Variants in MRC2 observed in about 807,000 individuals in gnomAD.
MRC2 encodes the protein C-type mannose receptor 2.
A neutral mutation model predicts 206.2 loss-of-function variants in MRC2; 84 were observed. That is an observed-to-expected ratio of 0.41 (90% confidence interval 0.34 to 0.49). The LOEUF (loss-of-function observed/expected upper bound fraction) is 0.49. Ranked by LOEUF, MRC2 falls within the 20% of genes least tolerant of loss-of-function variation. The pLI is 0.31. For synonymous variants in MRC2, 798 were observed against 800.0 expected (o/e 1.00, Z 0.04); for missense variants, 1,676 against 2,001.5 (o/e 0.84, Z 3.10).
chr17:62,645,527 ATTTTTTTTTT>A (rs1164231785), intron 1 of MRC2, among the ~76,000 whole-genome samples: 248 of 39,456 alleles, frequency 6.3e-3, no homozygotes, highest in African/African-American at 0.022. Context: ...ATATATATAT[ATTTTTTTTTT>A]TTTTTTTTTT....
At chr17:62,639,683 G>C (rs2088374320) in intron 1 of MRC2, among the ~76,000 whole-genome samples, 2 of 152,132 alleles carry the variant, frequency 1.3e-5, no homozygotes, top group Admixed American at 1.3e-4. Context: ...GGAGTGCAGT[G>C]GCACAATCAT....
At chr17:62,650,793 CG>C (rs1340049156) in intron 1 of MRC2, among the ~76,000 whole-genome samples, 1 of 152,078 alleles carries the variant, frequency 6.6e-6, no homozygotes, top group Non-Finnish European at 1.5e-5. Flanking sequence ...CCCAGTTTGC[CG>C]GGGGCAGGCC....
In MRC2 at chr17:62,627,671, T is replaced by C. The variant is rs1303552559; in HGVS notation, c.-132T>C. ...CCTCCCTCCTCCTCCCCGGGAGGCA[T>C]CACTTCGTCCCGACCCGGAGGAGGA... is the stretch of plus-strand genomic sequence containing the variant. On this transcript the variant is annotated 5_prime_UTR_variant, in exon 1 of 30. Transcript: ENST00000303375. 2 of 579,644 alleles carry C rather than the reference T, an allele frequency of 3.5e-6. No individual in the cohort carries two copies. The highest frequency in any genetic ancestry group is 8.9e-5 in the South Asian group (2 of 22,420). The allele number at this position is 579,644 out of a possible 1,614,324, so 35.9% of individuals were successfully genotyped here. A position where few individuals can be genotyped will look rare whatever the true frequency, so the allele number is the denominator to read the frequency against.
chr17:62,655,503 C>G (rs902910189), intron 1 of MRC2, among the ~76,000 whole-genome samples: 4 of 152,092 alleles, frequency 2.6e-5, no homozygotes, highest in Non-Finnish European at 5.9e-5. Context: ...GATCGCGCCA[C>G]TGCACTCCAG....
rs754342292 is a variant in MRC2 at position 62,681,898 on chromosome 17, G to A, written c.2764G>A (p.Gly922Ser). ...GGCACCAGGCAAACCTCGGCCTGTC[G>A]GCAAGGACAAGAAGTGCGTGTACAT... ...SWAPGKPRPV[G>S]KDKKCVYMTA... Residue 922 changes from glycine to serine, a missense_variant, in exon 19 of 30, where the codon GGC (glycine) becomes AGC (serine). Gly to Ser is a moderately conservative substitution (Grantham distance 56, BLOSUM62 0). Around this residue, in one of 3 missense-constraint regions of MRC2, gnomAD observed 1,354 missense variants for 1,636.6 expected, o/e 0.83. Coordinates refer to ENST00000303375, the MANE Select transcript of MRC2 (RefSeq NM_006039.5). The A allele has an allele frequency of 4.3e-5, 69 of 1,613,810 alleles. No individual in the cohort carries two copies. Among genetic ancestry groups the A allele is most frequent in the Non-Finnish European group, 5.1e-5 (60 of 1,179,982 alleles).
At chr17:62,690,336 CG>C in intron 26 of MRC2, 31 bp downstream of exon 26, 1 of 1,579,878 alleles carries the variant, frequency 6.3e-7, no homozygotes, top group South Asian at 1.1e-5. Context: ...CCACACATGG[CG>C]GGCAGGTGGC....
intron 1 of MRC2, among the ~76,000 whole-genome samples, chr17:62,641,315 G>GA (rs536367162): frequency 0.03 from 2,511 of 84,314 alleles, 46 homozygotes; most frequent in African/African-American, 0.064. Flanking sequence ...GACTGTCTCA[G>GA]AAAAAAAAAA....
At position 62,647,503 on chromosome 17, in the gene MRC2, A is replaced by T. The variant is rs112755545; in HGVS notation, c.119-17045A>T. Among the ~76,000 whole-genome samples the T allele has an allele frequency of 2.2e-3, 336 of 152,286 alleles. 1 individual carries two copies. The highest frequency in any genetic ancestry group is 7.6e-3 in the African/African-American group (316 of 41,548). ...CCCTGCCATTTTTGCTTTAAAAAAAAAATCAGCAATAGAATGTGAACTTCT... is the reference window on the plus strand; with the variant it reads ...CCCTGCCATTTTTGCTTTAAAAAAATAATCAGCAATAGAATGTGAACTTCT... On this transcript the variant is annotated intron_variant, in intron 1 of 29. Coordinates refer to ENST00000303375, the MANE Select transcript of MRC2 (RefSeq NM_006039.5).
At chr17:62,640,136 G>T (rs984529948) in intron 1 of MRC2, among the ~76,000 whole-genome samples, 2 of 149,748 alleles carry the variant, frequency 1.3e-5, no homozygotes, top group South Asian at 2.1e-4. Flanking sequence ...CTCCCAAAGT[G>T]CTGGGATTAC....
intron 1 of MRC2, among the ~76,000 whole-genome samples, chr17:62,647,090 C>T (rs760456768): frequency 6.6e-6 from 1 of 151,912 alleles, no homozygotes; most frequent in Non-Finnish European, 1.5e-5. Context: ...GGACACCCAA[C>T]TTTAAGAACA....
intron 1 of MRC2, among the ~76,000 whole-genome samples, chr17:62,636,594 G>A (rs1206797718): frequency 2.0e-5 from 3 of 149,378 alleles, no homozygotes; most frequent in African/African-American, 2.5e-5. Context: ...TCAGCCTCCC[G>A]AGTAGCTGGG....
intron 1 of MRC2, among the ~76,000 whole-genome samples, chr17:62,654,963 G>A (rs1439357716): frequency 6.6e-6 from 1 of 152,204 alleles, no homozygotes; most frequent in African/African-American, 2.4e-5. Context: ...GGGCAACAAA[G>A]CAAGACTCCG....
chr17:62,681,481 T>C (rs1471154803), intron 18 of MRC2: 1 of 461,852 alleles, frequency 2.2e-6, no homozygotes. Flanking sequence ...GGGGCCTCTT[T>C]GTATTTGGTG....
Position 62,680,104 on chromosome 17 carries a change from TC to T in MRC2, c.2299-64del, listed in dbSNP as rs2088943658. Reference sequence around the variant, plus strand: ...CAGGCCAGGCCTCTTGTTCACCTGTTCCGGGCATGGGGGCGGCCTGCACCTT... The same window carrying T: ...CAGGCCAGGCCTCTTGTTCACCTGTTCGGGCATGGGGGCGGCCTGCACCTT... On this transcript the variant is annotated intron_variant, in intron 14 of 29. Coordinates refer to ENST00000303375, the MANE Select transcript of MRC2 (RefSeq NM_006039.5). The surrounding 1 kb of genome is among the most constrained non-coding windows in gnomAD (Gnocchi z 4.8). 3 of 1,602,288 alleles carry T rather than the reference TC, an allele frequency of 1.9e-6. No individual in the cohort carries two copies. The highest frequency in any genetic ancestry group is 2.6e-6 in the Non-Finnish European group (3 of 1,173,108).
chr17:62,654,832 G>A (rs1476503904), intron 1 of MRC2, among the ~76,000 whole-genome samples: 1 of 152,176 alleles, frequency 6.6e-6, no homozygotes, highest in Non-Finnish European at 1.5e-5. Flanking sequence ...CAAGAAGTGT[G>A]GACTACATCA....
rs772278283 is a variant in MRC2 at position 62,666,655 on chromosome 17, A to C, written c.859+36A>C. 5 of 1,415,384 alleles carry C rather than the reference A, an allele frequency of 3.5e-6. No individual in the cohort carries two copies. The African/African-American group carries it at 7.7e-5, about 22-fold the overall frequency. 87.7% of individuals were successfully genotyped at this position (1,415,384 alleles called of 1,614,324 possible). On this transcript the variant is annotated intron_variant, in intron 4 of 29. Transcript: ENST00000303375. This position sits in a 1 kb window ranked among gnomAD's most constrained non-coding sequence, Gnocchi z 5.0. ...GCCTGATGCCTGCTCGTGCCTCTGG[A>C]GGGCCCGGGCCCTTTCCGCTTGTGG...
In MRC2 at chr17:62,680,014, C is replaced by T. The variant is rs2088941931; in HGVS notation, c.2298+112C>T. 2 of 1,467,750 alleles carry T rather than the reference C, an allele frequency of 1.4e-6. No homozygotes were observed. The highest frequency in any genetic ancestry group is 9.2e-7 in the Non-Finnish European group (1 of 1,085,912). The allele number at this position is 1,467,750 out of a possible 1,614,324, so 90.9% of individuals were successfully genotyped here. On this transcript the variant is annotated intron_variant, in intron 14 of 29. Transcript: ENST00000303375. This position sits in a 1 kb window ranked among gnomAD's most constrained non-coding sequence, Gnocchi z 4.8. ...TTTTCTTGAGGGCCGGGCCCCCAGTCGGAGCCGGCTTCAGGAAAGCAGGTC... is the reference window on the plus strand; with the variant it reads ...TTTTCTTGAGGGCCGGGCCCCCAGTTGGAGCCGGCTTCAGGAAAGCAGGTC...
At chr17:62,628,255 G>A (rs2084186202) in intron 1 of MRC2, among the ~76,000 whole-genome samples, 1 of 152,054 alleles carries the variant, frequency 6.6e-6, no homozygotes, top group African/African-American at 2.4e-5. Flanking sequence ...ACCCGGCGCC[G>A]GCCCGTCCTC....
chr17:62,672,229 T>G lies in MRC2; in HGVS notation c.1461+77T>G. 6.4e-7 allele frequency: 1 copy of G among 1,558,014 alleles called. No individual in the cohort carries two copies. The highest frequency in any genetic ancestry group is 2.3e-5 in the East Asian group (1 of 44,436). ...CAGGTGCCACCCCAGCTGAAGGACA[T>G]CCTAGTTACTATCAGAACCTGCCTG... On this transcript the variant is annotated intron_variant, in intron 8 of 29. Coordinates refer to ENST00000303375, the MANE Select transcript of MRC2 (RefSeq NM_006039.5). This position sits in a 1 kb window ranked among gnomAD's most constrained non-coding sequence, Gnocchi z 4.5.
Sources: allele counts gnomAD v4.1 joint callset (sites outside exome capture counted in the v4.1 genomes callset), GRCh38; gene constraint gnomAD v4.1.1; regional missense constraint gnomAD v4.1.1; non-coding constraint Gnocchi (gnomAD v3.1); transcripts MANE v1.5; gene names NCBI Gene and HGNC (gene_info 2026-07-23, HGNC 2026-07-21).